Variants in SLC25A48 observed in about 807,000 individuals in gnomAD.
The protein encoded by SLC25A48 is CTC-321K16.1.
In SLC25A48, 29 loss-of-function variants were observed where a neutral mutation model predicts 32.2. The observed-to-expected ratio is 0.90, with a 90% CI of 0.67 to 1.23. The LOEUF is 1.23. Among genes scored for constraint, SLC25A48 ranks in the 50% most tolerant of loss-of-function variants. The pLI, the probability that SLC25A48 is intolerant of heterozygous loss-of-function variation, is 0.00. For missense variants in SLC25A48, 399 were observed against 422.7 expected (o/e 0.94, Z 0.49); for synonymous variants, 164 against 172.3 (o/e 0.95, Z 0.38).
chr5:135,668,140 G>A (rs1753567031), intron 3 of SLC25A48, among the ~76,000 whole-genome samples: 2 of 152,142 alleles, frequency 1.3e-5, no homozygotes, highest in South Asian at 2.1e-4. Flanking sequence ...ATCATGAATG[G>A]TGGTTGGGTT....
At chr5:135,736,448 C>T (rs1210794589) in intron 3 of SLC25A48, among the ~76,000 whole-genome samples, 1 of 151,866 alleles carries the variant, frequency 6.6e-6, no homozygotes, top group Non-Finnish European at 1.5e-5. Flanking sequence ...AGAACACAGG[C>T]TAAGGGAGAA....
chr5:135,746,532 C>T (rs561113346), intron 3 of SLC25A48, among the ~76,000 whole-genome samples: 1 of 152,294 alleles, frequency 6.6e-6, no homozygotes, highest in South Asian at 2.1e-4. Context: ...ATCCGATTCT[C>T]CGGTGCAAAA....
chr5:135,722,394 G>C (rs1754978255), intron 3 of SLC25A48, among the ~76,000 whole-genome samples: 1 of 152,198 alleles, frequency 6.6e-6, no homozygotes, highest in Admixed American at 6.5e-5. Flanking sequence ...TGTGTAACCT[G>C]ACTGGCTGAG....
intron 3 of SLC25A48, among the ~76,000 whole-genome samples, chr5:135,687,535 T>C (rs1245020855): frequency 6.6e-6 from 1 of 152,256 alleles, no homozygotes; most frequent in African/African-American, 2.4e-5. Context: ...TCTTTTATAA[T>C]TTCCTTTATG....
intron 1 of SLC25A48, among the ~76,000 whole-genome samples, chr5:135,593,657 C>T (rs1054366314): frequency 2.6e-4 from 40 of 152,080 alleles, no homozygotes; most frequent in African/African-American, 9.4e-4. Context: ...TGGTCCATTT[C>T]TGTGAGAACC....
At chr5:135,799,744 C>G (rs1208300708) in intron 3 of SLC25A48, among the ~76,000 whole-genome samples, 15 of 151,746 alleles carry the variant, frequency 9.9e-5, no homozygotes, top group Non-Finnish European at 1.8e-4. Flanking sequence ...GGATGATATA[C>G]TCTCAATGTC....
chr5:135,744,674 G>A (rs555030947), intron 3 of SLC25A48, among the ~76,000 whole-genome samples: 1 of 152,232 alleles, frequency 6.6e-6, no homozygotes, highest in South Asian at 2.1e-4. Flanking sequence ...AGCTCAGAGA[G>A]GTTATGACTA....
chr5:135,873,522 T>G (rs1421790169), intron 5 of SLC25A48, among the ~76,000 whole-genome samples: 1 of 152,228 alleles, frequency 6.6e-6, no homozygotes, highest in African/African-American at 2.4e-5. Flanking sequence ...CCTGTCTGCC[T>G]GTGTTTGTTT....
chr5:135,767,488 A>G (rs1756273255), intron 3 of SLC25A48, among the ~76,000 whole-genome samples: 1 of 151,838 alleles, frequency 6.6e-6, no homozygotes, highest in Admixed American at 6.6e-5. Flanking sequence ...CCCTGGTGAT[A>G]TTGTTCATAA....
At chr5:135,879,373 C>T (rs1260750349) in intron 6 of SLC25A48, among the ~76,000 whole-genome samples, 4 of 152,102 alleles carry the variant, frequency 2.6e-5, no homozygotes, top group Non-Finnish European at 4.4e-5. Context: ...TATTACCCGC[C>T]CCTTACAGTC....
At position 135,678,062 on chromosome 5, in the gene SLC25A48, C is replaced by T. The variant is rs551776365; in HGVS notation, c.-521+43106C>T. On this transcript the variant is annotated intron_variant, in intron 3 of 10. Coordinates refer to the SLC25A48 transcript ENST00000646290. ...CTCCTGTATCTGGATGTCTAAATTTCTTGCTAGACTTGGAGAGTTTTCATC... is the reference window on the plus strand; with the variant it reads ...CTCCTGTATCTGGATGTCTAAATTTTTTGCTAGACTTGGAGAGTTTTCATC... Among the ~76,000 whole-genome samples the T allele has an allele frequency of 3.3e-5, 5 of 152,272 alleles. 1 individual carries two copies. Among genetic ancestry groups the T allele is most frequent in the African/African-American group, 1.2e-4 (5 of 41,560 alleles).
At chr5:135,767,639 T>C (rs867138254) in intron 3 of SLC25A48, among the ~76,000 whole-genome samples, 31 of 151,756 alleles carry the variant, frequency 2.0e-4, no homozygotes, top group African/African-American at 7.0e-4. Flanking sequence ...GCCAGTAATA[T>C]TGTTCACAAT....
intron 3 of SLC25A48, among the ~76,000 whole-genome samples, chr5:135,759,286 C>T (rs903048995): frequency 6.6e-6 from 1 of 152,072 alleles, no homozygotes; most frequent in African/African-American, 2.4e-5. Context: ...AACAAATGCT[C>T]TTGGAGACCA....
intron 3 of SLC25A48, among the ~76,000 whole-genome samples, chr5:135,695,000 C>G (rs564256369): frequency 3.3e-5 from 5 of 152,300 alleles, no homozygotes; most frequent in African/African-American, 1.2e-4. Flanking sequence ...GCTGCTTGGG[C>G]CCATCACCCA....
intron 5 of SLC25A48, chr5:135,872,647 G>A (rs1323227666): frequency 6.6e-6 from 1 of 152,266 alleles, no homozygotes; most frequent in Non-Finnish European, 1.5e-5. Context: ...GAGGAACAGA[G>A]AAACAGAGCC....
chr5:135,684,556 G>A (rs1753973918), intron 3 of SLC25A48, among the ~76,000 whole-genome samples: 2 of 152,154 alleles, frequency 1.3e-5, no homozygotes. Context: ...GAGGGGAGCA[G>A]GCCATTGAAT....
chr5:135,790,963 GA>G (rs1757013291), intron 3 of SLC25A48, among the ~76,000 whole-genome samples: 1 of 145,890 alleles, frequency 6.9e-6, no homozygotes, highest in South Asian at 2.3e-4. Context: ...CATTATGTGT[GA>G]ATACCCTTTG....
intron 3 of SLC25A48, among the ~76,000 whole-genome samples, chr5:135,723,049 G>T (rs922137721): frequency 6.6e-6 from 1 of 152,198 alleles, no homozygotes; most frequent in African/African-American, 2.4e-5. Flanking sequence ...GGAGAGGCCC[G>T]CATGGCTAGG....
intron 3 of SLC25A48, among the ~76,000 whole-genome samples, chr5:135,684,246 T>C (rs1753965341): frequency 6.6e-6 from 1 of 152,200 alleles, no homozygotes; most frequent in African/African-American, 2.4e-5. Context: ...GGTGTATTCT[T>C]TACACAACTG....
Sources: allele counts gnomAD v4.1 joint callset (sites outside exome capture counted in the v4.1 genomes callset), GRCh38; gene constraint gnomAD v4.1.1; transcripts MANE v1.5; gene names NCBI Gene and HGNC (gene_info 2026-07-23, HGNC 2026-07-21).